Variants in OSBPL3 observed in about 807,000 individuals in gnomAD.
The protein encoded by OSBPL3 is oxysterol-binding protein-related protein 3.
In OSBPL3, 65 loss-of-function variants were observed where a neutral mutation model predicts 120.1. The observed-to-expected ratio is 0.54, with a 90% CI of 0.44 to 0.67. The LOEUF (loss-of-function observed/expected upper bound fraction) is 0.67, where lower values mean the gene tolerates loss of function less well. Among genes scored for constraint, OSBPL3 ranks in the 30% least tolerant of loss-of-function variants. The pLI, the probability that OSBPL3 is intolerant of heterozygous loss-of-function variation, is 0.00. For missense variants in OSBPL3, 1,004 were observed against 1,082.1 expected (o/e 0.93, Z 1.01); for synonymous variants, 416 against 402.6 (o/e 1.03, Z -0.40).
chr7:24,802,147 C>T lies in OSBPL3; in HGVS notation c.2568-1868G>A, dbSNP rs1045923670. Among the ~76,000 whole-genome samples the T allele has an allele frequency of 6.6e-6, 1 of 152,174 alleles. No individual in the cohort carries two copies. The highest frequency in any genetic ancestry group is 1.5e-5 in the Non-Finnish European group (1 of 68,026). On this transcript the variant is annotated intron_variant, in intron 22 of 22. Coordinates refer to ENST00000313367, the MANE Select transcript of OSBPL3 (RefSeq NM_015550.4). This position sits in a 1 kb window ranked among gnomAD's most constrained non-coding sequence, Gnocchi z 4.1. ...CACACTTGTTTCCCTATTCCAGTAA[C>T]ACTATATGTTTAAAAATGAGTCAAT...
At chr7:24,904,704 T>C (rs140) in intron 1 of OSBPL3, among the ~76,000 whole-genome samples, 147,726 of 152,258 alleles carry the variant, frequency 0.97, 71,675 homozygotes, top group East Asian at 1. Context: ...GGCAATAACA[T>C]GGATGACTCT....
chr7:24,843,160 T>C (rs1403619470), intron 12 of OSBPL3, among the ~76,000 whole-genome samples: 1 of 152,142 alleles, frequency 6.6e-6, no homozygotes, highest in African/African-American at 2.4e-5. Flanking sequence ...CATGGCAGGA[T>C]ATAACAATGA....
chr7:24,825,806 A>G (rs1304884445), intron 16 of OSBPL3, among the ~76,000 whole-genome samples: 1 of 152,308 alleles, frequency 6.6e-6, no homozygotes, highest in African/African-American at 2.4e-5. Flanking sequence ...AAAAGGAAGA[A>G]AGGCTGAGCC....
intron 14 of OSBPL3, among the ~76,000 whole-genome samples, chr7:24,839,720 G>A (rs1179454436): frequency 1.3e-5 from 2 of 152,104 alleles, no homozygotes; most frequent in Non-Finnish European, 2.9e-5. Context: ...CAGGCACGGT[G>A]GCTCACGCCT....
chr7:24,806,518 A>C lies in OSBPL3; in HGVS notation c.2444+258T>G, dbSNP rs954496880. 6.6e-6 allele frequency among the ~76,000 whole-genome samples: 1 copy of C among 152,196 alleles called. No individual in the cohort carries two copies. Among genetic ancestry groups the C allele is most frequent in the Non-Finnish European group, 1.5e-5 (1 of 68,028 alleles). The stretch of plus-strand genomic sequence containing the variant: ...AAGTTCTTTATTACTGCATGCAGTA[A>C]AACTCTTCAAAATAAACACCTTTTT... On this transcript the variant is annotated intron_variant, in intron 21 of 22. Transcript: ENST00000313367. The surrounding 1 kb of genome is among the most constrained non-coding windows in gnomAD (Gnocchi z 5.2).
In OSBPL3 at chr7:24,871,126, G is replaced by GT. The variant is rs1364421583; in HGVS notation, c.268-282dup. The stretch of plus-strand genomic sequence containing the variant: ...AGCCAGGATGTGAGGAAACAAAAGA[G>GT]TAAGCACCGTGGGTTGACTCCCATG... On this transcript the variant is annotated intron_variant, in intron 4 of 22. Transcript: ENST00000313367. This position sits in a 1 kb window ranked among gnomAD's most constrained non-coding sequence, Gnocchi z 4.8. Among the ~76,000 whole-genome samples the GT allele has an allele frequency of 6.6e-6, 1 of 152,232 alleles. No individual in the cohort carries two copies. The highest frequency in any genetic ancestry group is 1.9e-4 in the East Asian group (1 of 5,198).
chr7:24,845,205 T>C (rs1389973253), intron 12 of OSBPL3, among the ~76,000 whole-genome samples: 1 of 151,870 alleles, frequency 6.6e-6, no homozygotes, highest in African/African-American at 2.4e-5. Flanking sequence ...TACCATAATT[T>C]AGAAAACTTT....
intron 1 of OSBPL3, among the ~76,000 whole-genome samples, chr7:24,903,727 C>T (rs1807412564): frequency 6.6e-6 from 1 of 152,158 alleles, no homozygotes; most frequent in Admixed American, 6.5e-5. Context: ...GGCTTTGCTC[C>T]AATGCTGAGT....
chr7:24,824,840 T>C lies in OSBPL3; in HGVS notation c.1885-4602A>G, dbSNP rs1795510847. Among the ~76,000 whole-genome samples the C allele has an allele frequency of 6.6e-6, 1 of 152,096 alleles. No homozygotes were observed. The highest frequency in any genetic ancestry group is 1.5e-5 in the Non-Finnish European group (1 of 68,006). ...ACAGGGTGGTGGGGCAGGACTCTAA[T>C]AATGGAAACCTGTGGGGCTGAGAGA... On this transcript the variant is annotated intron_variant, in intron 16 of 22. Transcript: ENST00000313367. The surrounding 1 kb of genome is among the most constrained non-coding windows in gnomAD (Gnocchi z 4.9).
Position 24,861,527 on chromosome 7 carries a change from A to AGAT in OSBPL3, c.1027+83_1027+85dup, listed in dbSNP as rs1274589326. On this transcript the variant is annotated intron_variant, in intron 10 of 22. Transcript: ENST00000313367. ...AATAGAGCAGAAAATGAACCAACTA[A>AGAT]GATACTCTCTCTAAGGACATCTCAC... 3 of 848,654 alleles carry AGAT rather than the reference A, an allele frequency of 3.5e-6. No homozygotes were observed. The African/African-American group carries it at 5.2e-5, about 15-fold the overall frequency. The allele number at this position is 848,654 out of a possible 1,614,324, so 52.6% of individuals were successfully genotyped here.
At chr7:24,935,941 G>C (rs1274882900) in intron 1 of OSBPL3, among the ~76,000 whole-genome samples, 1 of 151,714 alleles carries the variant, frequency 6.6e-6, no homozygotes, top group Non-Finnish European at 1.5e-5. Context: ...GTGCAGGTTA[G>C]TTACATATGT....
chr7:24,804,280 T>C lies in OSBPL3; in HGVS notation c.2567+35A>G. Reference sequence around the variant, plus strand: ...AGAAGCATAACGTGCTGGCACCACCTATCAACCAAAAACCTACTCAATCCA... The same window carrying C: ...AGAAGCATAACGTGCTGGCACCACCCATCAACCAAAAACCTACTCAATCCA... On this transcript the variant is annotated intron_variant, in intron 22 of 22. Coordinates refer to ENST00000313367, the MANE Select transcript of OSBPL3 (RefSeq NM_015550.4). This position sits in a 1 kb window ranked among gnomAD's most constrained non-coding sequence, Gnocchi z 5.4. The C allele has an allele frequency of 6.2e-7, 1 of 1,613,706 alleles. No individual in the cohort carries two copies. The highest frequency in any genetic ancestry group is 8.5e-7 in the Non-Finnish European group (1 of 1,179,668).
At chr7:24,934,642 G>A (rs979196996) in intron 1 of OSBPL3, among the ~76,000 whole-genome samples, 6 of 152,064 alleles carry the variant, frequency 3.9e-5, no homozygotes, top group African/African-American at 1.4e-4. Context: ...CTACTTAGAC[G>A]GCTTTATCCT....
rs1416679668 is a variant in OSBPL3 at position 24,913,551 on chromosome 7, G to A, written c.-149-20930C>T. ...GGGGGCCAATCAGCTGACAAAGGCC[G>A]GTATGTGTCTGATAGTGACAGACAC... On this transcript the variant is annotated intron_variant, in intron 1 of 22. Transcript: ENST00000313367. This position sits in a 1 kb window ranked among gnomAD's most constrained non-coding sequence, Gnocchi z 5.3. Among the ~76,000 whole-genome samples the A allele has an allele frequency of 3.9e-5, 6 of 152,130 alleles. No individual in the cohort carries two copies. The highest frequency in any genetic ancestry group is 3.3e-4 in the Admixed American group (5 of 15,276).
At chr7:24,906,288 G>T in intron 1 of OSBPL3, 1 of 250,986 alleles carries the variant, frequency 4.0e-6, no homozygotes, top group South Asian at 4.1e-5. Context: ...ACCCATCACT[G>T]ACATCATGGG....
At chr7:24,843,671 G>T (rs1481234009) in intron 12 of OSBPL3, among the ~76,000 whole-genome samples, 1 of 152,204 alleles carries the variant, frequency 6.6e-6, no homozygotes, top group Admixed American at 6.5e-5. Context: ...TAAGGCATCT[G>T]CCCAAGGTAT....
At chr7:24,973,446 A>G (rs1055689846) in intron 1 of OSBPL3, among the ~76,000 whole-genome samples, 1 of 152,218 alleles carries the variant, frequency 6.6e-6, no homozygotes, top group Non-Finnish European at 1.5e-5. Flanking sequence ...CTCTCAAACA[A>G]CAGACTTAGG....
rs149645196 is a variant in OSBPL3, at chr7:24,905,853, G to A, written c.-149-13232C>T. 6.1e-3 allele frequency among the ~76,000 whole-genome samples: 928 copies of A among 152,324 alleles called. 8 individuals carry two copies. The highest frequency in any genetic ancestry group is 0.02 in the African/African-American group (824 of 41,564). On this transcript the variant is annotated intron_variant, in intron 1 of 22. Coordinates refer to ENST00000313367, the MANE Select transcript of OSBPL3 (RefSeq NM_015550.4). ...CAAGACCAGCCTGGCCAACATGGTTGAAACCCTGTCTCTACTAAAAATACA... is the reference window on the plus strand; with the variant it reads ...CAAGACCAGCCTGGCCAACATGGTTAAAACCCTGTCTCTACTAAAAATACA...
chr7:24,848,977 A>T (rs1181300037), intron 12 of OSBPL3, 92 bp downstream of exon 12: 3 of 849,402 alleles, frequency 3.5e-6, no homozygotes, highest in Non-Finnish European at 4.0e-6. Context: ...AGCACCCATG[A>T]GGGGAAGCAG....
Sources: gnomAD v4.1 joint callset for allele counts (sites outside exome capture counted in the v4.1 genomes callset) on GRCh38, gnomAD v4.1.1 for gene constraint, Gnocchi (gnomAD v3.1) non-coding constraint, MANE v1.5 for transcripts, NCBI Gene and HGNC (gene_info 2026-07-23, HGNC 2026-07-21) for gene names.